The following DOCK9 variants were observed in gnomAD, a reference collection of about 807,000 sequenced individuals.
The protein encoded by DOCK9 is dedicator of cytokinesis protein 9.
Under a neutral mutation model 263.3 loss-of-function variants are expected in DOCK9, and 89 were observed. The ratio of observed to expected loss-of-function variants is 0.34; its 90% CI spans 0.28 to 0.40. The LOEUF (loss-of-function observed/expected upper bound fraction) is 0.40. Among genes scored for constraint, DOCK9 ranks in the 10% least tolerant of loss-of-function variants. DOCK9 has a pLI of 1.00. For synonymous variants in DOCK9, 976 were observed against 973.1 expected, an observed-to-expected ratio of 1.00 and a Z score of -0.06; for missense variants, 2,140 against 2,603.4, an observed-to-expected ratio of 0.82 and a Z score of 3.87.
rs2053894405 is a variant in DOCK9 at position 98,931,334 on chromosome 13, T to C, written c.244-1077A>G. On this transcript the variant is annotated intron_variant, in intron 2 of 52. Coordinates refer to ENST00000682017, the MANE Select transcript of DOCK9 (RefSeq NM_001366683.2). ...TTATTTTTTGAGACAGGTCTCGCTCTGTCGCCCAGTCTGGAGTGCAGTGGC... is the reference window on the plus strand; with the variant it reads ...TTATTTTTTGAGACAGGTCTCGCTCCGTCGCCCAGTCTGGAGTGCAGTGGC... Among the ~76,000 whole-genome samples, 4 of 152,060 alleles carry C rather than the reference T, an allele frequency of 2.6e-5. No homozygotes were observed. In the South Asian group the frequency reaches 8.3e-4, roughly 32 times the overall value.
intron 2 of DOCK9, among the ~76,000 whole-genome samples, chr13:98,952,343 C>T (rs542458489): frequency 4.8e-4 from 73 of 152,156 alleles, no homozygotes; most frequent in African/African-American, 1.7e-3. Flanking sequence ...TCAAGAGATT[C>T]TCCTGCCTCA....
chr13:98,930,297 A>AG, intron 2 of DOCK9, 40 bp from the exon 3 acceptor site: 1 of 1,554,534 alleles, frequency 6.4e-7, no homozygotes, highest in Non-Finnish European at 8.8e-7. Context: ...GGGTAAGTGA[A>AG]GGAGGCAGGT....
chr13:98,906,185 C>T (rs1336941602), intron 9 of DOCK9, among the ~76,000 whole-genome samples: 3 of 152,120 alleles, frequency 2.0e-5, no homozygotes, highest in East Asian at 1.9e-4. Flanking sequence ...AACTTAAGCG[C>T]AAGGCTGAGA....
At chr13:98,810,044 G>T in intron 46 of DOCK9, 125 bp downstream of exon 46, 1 of 1,340,842 alleles carries the variant, frequency 7.5e-7, no homozygotes, top group Non-Finnish European at 1.0e-6. Context: ...GTAACGTGGA[G>T]GGTCAGAGAC....
chr13:98,926,051 G>C, intron 3 of DOCK9, 132 bp from the exon 4 acceptor site: 1 of 580,960 alleles, frequency 1.7e-6, no homozygotes, highest in Non-Finnish European at 3.0e-6. Context: ...ACGAGCTAAT[G>C]CCTGAAATTC....
intron 27 of DOCK9, 52 bp downstream of exon 27, chr13:98,879,846 A>G: frequency 6.8e-7 from 1 of 1,477,034 alleles, no homozygotes; most frequent in Non-Finnish European, 9.3e-7. Context: ...CAAAGCAATG[A>G]AAGAGATTTC....
Position 98,825,937 on chromosome 13 carries a change from G to T in DOCK9, c.5023+893C>A. On this transcript the variant is annotated intron_variant, in intron 44 of 52. Transcript: ENST00000682017. The surrounding 1 kb of genome is among the most constrained non-coding windows in gnomAD (Gnocchi z 4.1). ...GAGAAGGGGCGGCTCCCACTGGACTGCTTCTAAACATGAGGAAATGCATCA... is the reference window on the plus strand; with the variant it reads ...GAGAAGGGGCGGCTCCCACTGGACTTCTTCTAAACATGAGGAAATGCATCA... The T allele has an allele frequency of 6.5e-7, 1 of 1,544,992 alleles. No homozygotes were observed. The highest frequency in any genetic ancestry group is 8.7e-7 in the Non-Finnish European group (1 of 1,144,154).
chr13:99,068,405 A>C (rs1019597945), intron 1 of DOCK9, among the ~76,000 whole-genome samples: 3 of 152,162 alleles, frequency 2.0e-5, no homozygotes, highest in Non-Finnish European at 4.4e-5. Flanking sequence ...CAACATGGAG[A>C]TAACCCCATC....
At chr13:98,885,536 T>TTA in intron 20 of DOCK9, 172 bp downstream of exon 20, 6 of 478,072 alleles carry the variant, frequency 1.3e-5, no homozygotes, top group East Asian at 4.3e-5. Flanking sequence ...GCTCAAAAAT[T>TTA]AAAAAAAAAA....
At chr13:99,031,213 A>C (rs922727094) in intron 1 of DOCK9, among the ~76,000 whole-genome samples, 3 of 152,228 alleles carry the variant, frequency 2.0e-5, no homozygotes, top group Non-Finnish European at 4.4e-5. Flanking sequence ...GCAATTTGTA[A>C]CATTGTGCCA....
At chr13:98,798,150 G>A (rs1029463516) in intron 50 of DOCK9, among the ~76,000 whole-genome samples, 3 of 152,320 alleles carry the variant, frequency 2.0e-5, no homozygotes, top group African/African-American at 7.2e-5. Context: ...AGGTAAGAAC[G>A]TGGTGAGAAA....
At chr13:98,977,761 C>T (rs1218058076) in intron 1 of DOCK9, 23 bp downstream of exon 1, 1 of 1,609,896 alleles carries the variant, frequency 6.2e-7, no homozygotes. Flanking sequence ...GACACAGCAA[C>T]ACTTTGTACG....
intron 15 of DOCK9, among the ~76,000 whole-genome samples, chr13:98,891,557 A>G (rs2046619769): frequency 6.6e-6 from 1 of 152,032 alleles, no homozygotes; most frequent in South Asian, 2.1e-4. Flanking sequence ...TCCACATATA[A>G]ATTTTTGAGA....
At chr13:98,911,153 C>G (rs900114492) in intron 9 of DOCK9, among the ~76,000 whole-genome samples, 24 of 152,338 alleles carry the variant, frequency 1.6e-4, no homozygotes, top group African/African-American at 5.5e-4. Flanking sequence ...TAACTCATCT[C>G]CATTTTCTTC....
At chr13:98,932,195 C>T (rs1236437407) in intron 2 of DOCK9, among the ~76,000 whole-genome samples, 2 of 152,012 alleles carry the variant, frequency 1.3e-5, no homozygotes, top group Non-Finnish European at 2.9e-5. Context: ...GAGTTCCAGA[C>T]CAGCCTGGCC....
chr13:98,931,339 C>A (rs1424032399), intron 2 of DOCK9, among the ~76,000 whole-genome samples: 2 of 150,940 alleles, frequency 1.3e-5, no homozygotes, highest in Non-Finnish European at 2.9e-5. Context: ...CGCTCTGTCG[C>A]CCAGTCTGGA....
intron 9 of DOCK9, among the ~76,000 whole-genome samples, chr13:98,913,888 C>A (rs1363510392): frequency 6.6e-6 from 1 of 151,976 alleles, no homozygotes; most frequent in East Asian, 1.9e-4. Context: ...AAGAGTGACC[C>A]GAAACAATTT....
rs896683506 is a variant in DOCK9 at position 98,853,515 on chromosome 13, T to C, written c.3839A>G (p.Gln1280Arg). 2.3e-5 allele frequency: 37 copies of C among 1,611,280 alleles called. No individual in the cohort carries two copies. Among genetic ancestry groups the C allele is most frequent in the Non-Finnish European group, 2.8e-5 (33 of 1,178,682 alleles). ...CACGGAATTTCCCAATGTGCTACTT[T>C]GTTGGTGCTAAAAAGAAAATACAGG... ...EKSNSLDKHQ[Q>R]SSTLGNSVVR... The change falls in exon 35 of 53, where the codon CAA becomes CGA. Residue 1280 changes from glutamine to arginine, a missense_variant. This residue lies in a region of DOCK9 where 1,521 missense variants were observed against 1,741.7 expected (regional missense o/e 0.87). Coordinates refer to ENST00000682017, the MANE Select transcript of DOCK9 (RefSeq NM_001366683.2).
intron 1 of DOCK9, among the ~76,000 whole-genome samples, chr13:99,073,795 A>T (rs1289343818): frequency 6.6e-6 from 1 of 152,254 alleles, no homozygotes; most frequent in African/African-American, 2.4e-5. Context: ...CTGTTCGGGC[A>T]GATATCCTTT....
Sources: allele counts gnomAD v4.1 joint callset (sites outside exome capture counted in the v4.1 genomes callset), GRCh38; gene constraint gnomAD v4.1.1; regional missense constraint gnomAD v4.1.1; non-coding constraint Gnocchi (gnomAD v3.1); transcripts MANE v1.5; gene names NCBI Gene and HGNC (gene_info 2026-07-23, HGNC 2026-07-21).